RBMS3: variants seen among roughly 807,000 people sequenced by gnomAD.
RBMS3 encodes the protein RNA binding motif single stranded interacting protein 3, also known as RNA-binding motif, single-stranded-interacting protein 3.
RBMS3 carries 27 observed loss-of-function variants against 66.8 expected under a neutral mutation model. That is an observed-to-expected ratio of 0.40 (90% confidence interval 0.30 to 0.56). RBMS3 has a LOEUF of 0.56. RBMS3 is among the 20% of genes least tolerant of loss of function. RBMS3 has a pLI of 0.40. For missense variants in RBMS3, 513 were observed against 549.5 expected (o/e 0.93, Z 0.66); for synonymous variants, 188 against 183.0 (o/e 1.03, Z -0.22).
intron 3 of RBMS3, among the ~76,000 whole-genome samples, chr3:29,584,546 C>G (rs1019889566): frequency 1.3e-5 from 2 of 152,120 alleles, no homozygotes; most frequent in Non-Finnish European, 2.9e-5. Context: ...CTCAACATGT[C>G]TCAGACCAAT....
chr3:29,587,295 ATCAG>A, intron 4 of RBMS3, 90 bp downstream of exon 4: 1 of 681,112 alleles, frequency 1.5e-6, no homozygotes, highest in Non-Finnish European at 2.1e-6. Context: ...AGAGAGAGAG[ATCAG>A]GAGGAAGGAA....
chr3:29,932,804 A>G (rs1215096376), intron 10 of RBMS3, among the ~76,000 whole-genome samples: 2 of 152,208 alleles, frequency 1.3e-5, no homozygotes, highest in African/African-American at 4.8e-5. Context: ...TAGGTCAGAT[A>G]TATTTACGCC....
chr3:29,292,219 G>A (rs1228467146), intron 1 of RBMS3, among the ~76,000 whole-genome samples: 9 of 151,306 alleles, frequency 5.9e-5, no homozygotes, highest in African/African-American at 1.5e-4. Flanking sequence ...CAACACACAC[G>A]CACACATACA....
chr3:29,479,696 A>G (rs1575951732), intron 2 of RBMS3, among the ~76,000 whole-genome samples: 1 of 152,232 alleles, frequency 6.6e-6, no homozygotes, highest in African/African-American at 2.4e-5. Context: ...CAATAGTTCC[A>G]AGATCACAAA....
At chr3:29,840,863 T>C (rs1385313442) in intron 6 of RBMS3, among the ~76,000 whole-genome samples, 1 of 151,976 alleles carries the variant, frequency 6.6e-6, no homozygotes, top group Non-Finnish European at 1.5e-5. Flanking sequence ...TTTATGTATA[T>C]GATGGACACT....
intron 8 of RBMS3, among the ~76,000 whole-genome samples, chr3:29,892,054 A>G (rs1339534399): frequency 1.3e-5 from 2 of 151,510 alleles, no homozygotes; most frequent in East Asian, 3.9e-4. Context: ...ATAAGATTTT[A>G]CCATATTACT....
chr3:29,760,286 T>C (rs563974975), intron 5 of RBMS3, among the ~76,000 whole-genome samples: 3,316 of 145,992 alleles, frequency 0.023, 46 homozygotes, highest in Non-Finnish European at 0.032. Context: ...CACACACCCC[T>C]ACACACACAC....
intron 3 of RBMS3, among the ~76,000 whole-genome samples, chr3:29,493,895 A>G (rs1335133860): frequency 6.6e-6 from 1 of 152,170 alleles, no homozygotes; most frequent in East Asian, 1.9e-4. Context: ...CCTTTTTCAA[A>G]CAAAATCATT....
intron 3 of RBMS3, among the ~76,000 whole-genome samples, chr3:29,495,072 G>T (rs2043690046): frequency 6.8e-6 from 1 of 147,628 alleles, no homozygotes; most frequent in African/African-American, 2.4e-5. Flanking sequence ...CAAAAGTTCT[G>T]AAATCATCCA....
chr3:29,396,213 T>C (rs930028382), intron 1 of RBMS3, among the ~76,000 whole-genome samples: 1 of 152,134 alleles, frequency 6.6e-6, no homozygotes. Flanking sequence ...TCATGCATAA[T>C]CTGAATTTGA....
intron 6 of RBMS3, among the ~76,000 whole-genome samples, chr3:29,777,536 T>C (rs1035071349): frequency 6.6e-6 from 1 of 151,866 alleles, no homozygotes; most frequent in Non-Finnish European, 1.5e-5. Flanking sequence ...GACATAATAC[T>C]TTTTTTGGTA....
At position 29,511,038 on chromosome 3, in the gene RBMS3, C is replaced by T. The variant is rs535559335; in HGVS notation, c.307+22539C>T. 1.1e-4 allele frequency among the ~76,000 whole-genome samples: 17 copies of T among 152,322 alleles called. 1 individual carries two copies. In the South Asian group the frequency reaches 3.3e-3, roughly 30 times the overall value. On this transcript the variant is annotated intron_variant, in intron 3 of 14. Coordinates refer to ENST00000383767, the MANE Select transcript of RBMS3 (RefSeq NM_001003793.3). ...TTTTGGCCGGGCGTGGTGGCTCACG[C>T]CTGTAATCCCAACACTTTGGGAGGC...
At chr3:29,566,673 C>T (rs909810023) in intron 3 of RBMS3, among the ~76,000 whole-genome samples, 4 of 145,438 alleles carry the variant, frequency 2.8e-5, no homozygotes, top group African/African-American at 7.6e-5. Flanking sequence ...AAAGAGTATA[C>T]ATTGTGCGAT....
At chr3:29,387,850 G>T (rs1245020041) in intron 1 of RBMS3, among the ~76,000 whole-genome samples, 1 of 152,140 alleles carries the variant, frequency 6.6e-6, no homozygotes, top group African/African-American at 2.4e-5. Context: ...AAAAGAAGAA[G>T]CTTTTGTAAA....
chr3:29,970,586 G>C (rs1331028943), intron 12 of RBMS3, among the ~76,000 whole-genome samples: 1 of 152,074 alleles, frequency 6.6e-6, no homozygotes, highest in Non-Finnish European at 1.5e-5. Context: ...GTTTGAGAAT[G>C]TAACTGAGAT....
chr3:29,557,061 G>T (rs2046392252), intron 3 of RBMS3, among the ~76,000 whole-genome samples: 1 of 152,078 alleles, frequency 6.6e-6, no homozygotes, highest in South Asian at 2.1e-4. Context: ...ACTCAAAGTA[G>T]GTTTTCCTGG....
In RBMS3 at chr3:29,479,673, A is replaced by AG. The variant is rs555972631; in HGVS notation, c.249-8764dup. On this transcript the variant is annotated intron_variant, in intron 2 of 14. Coordinates refer to ENST00000383767, the MANE Select transcript of RBMS3 (RefSeq NM_001003793.3). ...AGGACCTGTATTATTTAGCAAGAAA[A>AG]GGGGAAATTAGACAATAGTTCCAAG... Among the ~76,000 whole-genome samples the AG allele has an allele frequency of 6.9e-3, 1,052 of 152,312 alleles. 3 individuals carry two copies. Among genetic ancestry groups the AG allele is most frequent in the Non-Finnish European group, 0.01 (695 of 68,020 alleles).
chr3:29,709,287 CTGCTTTATG>C (rs1374602918), intron 4 of RBMS3, among the ~76,000 whole-genome samples: 3 of 152,126 alleles, frequency 2.0e-5, no homozygotes, highest in Non-Finnish European at 2.9e-5. Flanking sequence ...GATTGTGACC[CTGCTTTATG>C]TTTGGTAGCT....
intron 4 of RBMS3, among the ~76,000 whole-genome samples, chr3:29,635,325 G>A (rs2049436117): frequency 6.6e-6 from 1 of 151,818 alleles, no homozygotes; most frequent in Admixed American, 6.6e-5. Context: ...TGCTCTTTCT[G>A]CAGCCTTCCC....
Sources: allele counts gnomAD v4.1 joint callset (sites outside exome capture counted in the v4.1 genomes callset), GRCh38; gene constraint gnomAD v4.1.1; transcripts MANE v1.5; gene names NCBI Gene and HGNC (gene_info 2026-07-23, HGNC 2026-07-21).